The following FAM13A variants were observed in gnomAD, a reference collection of about 807,000 sequenced individuals.
FAM13A encodes family with sequence similarity 13 member A.
Under a neutral mutation model 129.6 loss-of-function variants are expected in FAM13A, and 76 were observed. That is an observed-to-expected ratio of 0.59 (90% confidence interval 0.49 to 0.71). FAM13A has a LOEUF of 0.71. Among genes scored for constraint, FAM13A ranks in the 30% least tolerant of loss-of-function variants. The pLI, the probability that FAM13A is intolerant of heterozygous loss-of-function variation, is 0.00. For missense variants in FAM13A, 1,108 were observed against 1,249.3 expected (o/e 0.89, Z 1.70); for synonymous variants, 443 against 449.9 (o/e 0.98, Z 0.20).
Position 88,958,213 on chromosome 4 carries a change from G to C in FAM13A, c.606-19972C>G, listed in dbSNP as rs1260522334. Among the ~76,000 whole-genome samples, 6 of 152,224 alleles carry C rather than the reference G, an allele frequency of 3.9e-5. No homozygotes were observed. The East Asian group carries it at 1.2e-3, about 29-fold the overall frequency. Reference sequence around the variant, plus strand: ...GGCCTCAAGGGCACTTCAGAGATCTGCTTGGCAGCCCCTCCCATCACAGGC... The same window carrying C: ...GGCCTCAAGGGCACTTCAGAGATCTCCTTGGCAGCCCCTCCCATCACAGGC... On this transcript the variant is annotated intron_variant, in intron 4 of 23. Coordinates refer to ENST00000264344, the MANE Select transcript of FAM13A (RefSeq NM_014883.4).
rs1308920628 is a variant in FAM13A, at chr4:88,726,537, C to T, written c.*1996G>A. The T allele has an allele frequency of 6.6e-6, 1 of 152,504 alleles. No homozygotes were observed. Among genetic ancestry groups the T allele is most frequent in the Non-Finnish European group, 1.5e-5 (1 of 68,002 alleles). The allele number at this position is 152,504 out of a possible 1,614,324, so 9.4% of individuals were successfully genotyped here. A position where few individuals can be genotyped will look rare whatever the true frequency, so the allele number is the denominator to read the frequency against. On this transcript the variant is annotated 3_prime_UTR_variant, in exon 24 of 24. Transcript: ENST00000264344. The stretch of plus-strand genomic sequence containing the variant: ...ATTCTGTAGCGTATTTTTCCAAAAA[C>T]ATAGTCTTAAACAAATGTGCTTTAA...
chr4:88,941,650 A>G (rs1754775398), intron 4 of FAM13A, among the ~76,000 whole-genome samples: 3 of 152,210 alleles, frequency 2.0e-5, no homozygotes. Context: ...GAACACAGAA[A>G]AGATGCTGCT....
At chr4:88,840,538 A>G (rs533470651) in intron 7 of FAM13A, among the ~76,000 whole-genome samples, 5 of 152,308 alleles carry the variant, frequency 3.3e-5, no homozygotes, top group African/African-American at 1.2e-4. Context: ...CAGAGTACAC[A>G]TACAAGAATA....
At chr4:88,784,268 T>C (rs545531492) in intron 10 of FAM13A, among the ~76,000 whole-genome samples, 1 of 152,164 alleles carries the variant, frequency 6.6e-6, no homozygotes, top group Non-Finnish European at 1.5e-5. Flanking sequence ...GCGATATCTG[T>C]TTTTCATCAT....
intron 6 of FAM13A, among the ~76,000 whole-genome samples, chr4:88,890,157 G>A (rs1561262029): frequency 6.6e-6 from 1 of 152,194 alleles, no homozygotes; most frequent in Non-Finnish European, 1.5e-5. Flanking sequence ...GCTCAGCCTG[G>A]CTCCTTGAGG....
intron 3 of FAM13A, among the ~76,000 whole-genome samples, chr4:89,012,543 C>G (rs1477429028): frequency 6.6e-6 from 1 of 152,172 alleles, no homozygotes; most frequent in Non-Finnish European, 1.5e-5. Context: ...CTAACTAAAA[C>G]CCATAGAATC....
chr4:88,994,853 T>G (rs34869341), intron 3 of FAM13A, among the ~76,000 whole-genome samples: 105,010 of 151,252 alleles, frequency 0.69, 36,548 homozygotes, highest in Middle Eastern at 0.79. Context: ...AAAAAAAAAT[T>G]TCCTAATAAT....
chr4:88,753,737 TAAAAC>T, intron 14 of FAM13A: 1 of 328,248 alleles, frequency 3.0e-6, no homozygotes, highest in Non-Finnish European at 4.4e-6. Flanking sequence ...AAGGGATCAA[TAAAAC>T]TGTTCCCCAT....
chr4:88,999,067 T>C (rs1474224225), intron 3 of FAM13A, among the ~76,000 whole-genome samples: 2 of 152,196 alleles, frequency 1.3e-5, no homozygotes, highest in Non-Finnish European at 1.5e-5. Context: ...GGTATGTTTA[T>C]TGCCAAATTA....
At chr4:88,981,006 A>T (rs896330736) in intron 4 of FAM13A, among the ~76,000 whole-genome samples, 1 of 152,226 alleles carries the variant, frequency 6.6e-6, no homozygotes, top group African/African-American at 2.4e-5. Flanking sequence ...TGGATAGAAG[A>T]ATAAGTGGAA....
chr4:88,997,867 C>A (rs1579691899), intron 3 of FAM13A, among the ~76,000 whole-genome samples: 1 of 152,300 alleles, frequency 6.6e-6, no homozygotes, highest in East Asian at 1.9e-4. Context: ...CCTCCCTCTG[C>A]CTCATTAAAC....
chr4:88,863,292 C>T (rs1739823211), intron 6 of FAM13A, among the ~76,000 whole-genome samples: 2 of 152,136 alleles, frequency 1.3e-5, no homozygotes, highest in Admixed American at 6.5e-5. Flanking sequence ...CCATAAAAAG[C>T]GTAAACAATG....
At chr4:88,908,859 G>C (rs1233339279) in intron 5 of FAM13A, among the ~76,000 whole-genome samples, 2 of 152,050 alleles carry the variant, frequency 1.3e-5, no homozygotes, top group Non-Finnish European at 2.9e-5. Context: ...TCCCACCCTT[G>C]CAGCAAGCAG....
intron 4 of FAM13A, among the ~76,000 whole-genome samples, chr4:88,951,179 G>T (rs1351714563): frequency 6.6e-6 from 1 of 152,110 alleles, no homozygotes; most frequent in Non-Finnish European, 1.5e-5. Flanking sequence ...TCTGGGTTTT[G>T]TCCTAGATGA....
chr4:88,961,509 A>G (rs1029003041), intron 4 of FAM13A, among the ~76,000 whole-genome samples: 2 of 151,720 alleles, frequency 1.3e-5, no homozygotes, highest in African/African-American at 4.8e-5. Context: ...CTAGGACTAC[A>G]GGCGTGCACC....
chr4:88,758,665 A>T (rs748849959), intron 14 of FAM13A, 89 bp downstream of exon 14: 20 of 1,328,122 alleles, frequency 1.5e-5, no homozygotes, highest in Non-Finnish European at 2.0e-5. Context: ...TCTTTCACCC[A>T]CACTCTCACA....
At chr4:88,980,324 T>G (rs1036410789) in intron 4 of FAM13A, among the ~76,000 whole-genome samples, 5 of 152,238 alleles carry the variant, frequency 3.3e-5, no homozygotes, top group South Asian at 4.1e-4. Context: ...CTGTGGGGGG[T>G]TTTGTTTGAA....
At position 88,845,824 on chromosome 4, in the gene FAM13A, T is replaced by C. The variant is rs764643840; in HGVS notation, c.1007+5196A>G. On this transcript the variant is annotated intron_variant, in intron 7 of 23. Coordinates refer to ENST00000264344, the MANE Select transcript of FAM13A (RefSeq NM_014883.4). ...AATGAAAAAGTATTGGGAAAAGGAA[T>C]AAATAGATAAGAAAGTACTTTTAGA... Among the ~76,000 whole-genome samples the C allele has an allele frequency of 6.6e-4, 100 of 152,170 alleles. 6 individuals are homozygous for C. Among genetic ancestry groups the C allele is most frequent in the Admixed American group, 1.3e-4 (2 of 15,278 alleles).
In FAM13A at chr4:88,943,248, G is replaced by A. The variant is rs570325729; in HGVS notation, c.606-5007C>T. ...AAACTAACTTTTGAACATTCCAGAA[G>A]GGCTCCTTAAAGTCTCAAAGAGAAA... On this transcript the variant is annotated intron_variant, in intron 4 of 23. Transcript: ENST00000264344. Among the ~76,000 whole-genome samples the A allele has an allele frequency of 6.6e-4, 100 of 152,210 alleles. 1 individual carries two copies. Among genetic ancestry groups the A allele is most frequent in the African/African-American group, 2.4e-3 (100 of 41,538 alleles).
Sources: gnomAD v4.1 joint callset for allele counts (sites outside exome capture counted in the v4.1 genomes callset) on GRCh38, gnomAD v4.1.1 for gene constraint, MANE v1.5 for transcripts, NCBI Gene and HGNC (gene_info 2026-07-23, HGNC 2026-07-21) for gene names.